CTTNBP2: variants seen among roughly 807,000 people sequenced by gnomAD.
The protein encoded by CTTNBP2 is cortactin-binding protein 2.
A neutral mutation model predicts 156.9 loss-of-function variants in CTTNBP2; 108 were observed. The ratio of observed to expected loss-of-function variants is 0.69; its 90% confidence interval spans 0.59 to 0.81. The LOEUF is 0.81. Ranked by LOEUF, CTTNBP2 falls within the 30% of genes least tolerant of loss-of-function variation. CTTNBP2 has a pLI of 0.00. For missense variants in CTTNBP2, 1,924 were observed against 2,035.4 expected (o/e 0.95, Z 1.05); for synonymous variants, 767 against 751.8 (o/e 1.02, Z -0.33).
In CTTNBP2 at chr7:117,728,743, A is replaced by T. The variant is rs191070843; in HGVS notation, c.3877-476T>A. On this transcript the variant is annotated intron_variant, in intron 16 of 22. Coordinates refer to ENST00000160373, the MANE Select transcript of CTTNBP2 (RefSeq NM_033427.3). ...CTTTACATACTTATTTTTATTTAAG[A>T]TCTACTCTCAGCAATCTGCAAGTAT... 5.9e-5 allele frequency among the ~76,000 whole-genome samples: 9 copies of T among 152,346 alleles called. No individual in the cohort carries two copies. In the East Asian group the frequency reaches 1.2e-3, roughly 20 times the overall value.
chr7:117,871,793 C>CCA lies in CTTNBP2; in HGVS notation c.81+1540_81+1541dup, dbSNP rs10545703. On this transcript the variant is annotated intron_variant, in intron 1 of 22. Coordinates refer to ENST00000160373, the MANE Select transcript of CTTNBP2 (RefSeq NM_033427.3). ...ACCTTTCTGGGGAACAAGAAACACA[C>CCA]CACACACACACACACACACACACAC... The CCA allele has an allele frequency of 6.6e-3, 1,406 of 213,298 alleles. 11 individuals carry two copies. Among genetic ancestry groups the CCA allele is most frequent in the African/African-American group, 0.015 (548 of 37,438 alleles). The allele number at this position is 213,298 out of a possible 1,614,324, so 13.2% of individuals were successfully genotyped here.
chr7:117,713,845 G>A (rs924515873), intron 22 of CTTNBP2: 3 of 152,186 alleles, frequency 2.0e-5, no homozygotes, highest in Non-Finnish European at 4.4e-5. Context: ...CTTGGCTAGT[G>A]GTTTGGGAAA....
intron 9 of CTTNBP2, among the ~76,000 whole-genome samples, chr7:117,762,469 A>G (rs1797264214): frequency 6.6e-6 from 1 of 152,142 alleles, no homozygotes; most frequent in Admixed American, 6.5e-5. Flanking sequence ...CACACTTCAC[A>G]TTCAATCCAT....
chr7:117,855,613 C>A (rs6976111), intron 2 of CTTNBP2, among the ~76,000 whole-genome samples: 34,215 of 152,088 alleles, frequency 0.22, 4,925 homozygotes, highest in South Asian at 0.34. Flanking sequence ...CAGCTCCCCC[C>A]AAACAGCAAA....
chr7:117,793,209 G>T (rs1404028220), intron 3 of CTTNBP2, among the ~76,000 whole-genome samples: 1 of 152,072 alleles, frequency 6.6e-6, no homozygotes, highest in Non-Finnish European at 1.5e-5. Flanking sequence ...ACTGAAAACC[G>T]AGGACTTCAG....
At chr7:117,836,863 G>A (rs546033477) in intron 2 of CTTNBP2, among the ~76,000 whole-genome samples, 3 of 152,262 alleles carry the variant, frequency 2.0e-5, no homozygotes, top group Non-Finnish European at 2.9e-5. Context: ...ATCACTACCA[G>A]GAGAACAGTA....
chr7:117,814,429 CTATT>C (rs1013404846), intron 2 of CTTNBP2, among the ~76,000 whole-genome samples: 3 of 151,878 alleles, frequency 2.0e-5, no homozygotes, highest in South Asian at 2.1e-4. Context: ...ATAAAACTGC[CTATT>C]TATTTATTTT....
rs551648781 is a variant in CTTNBP2, at chr7:117,746,506, C to T, written c.3349-407G>A. On this transcript the variant is annotated intron_variant, in intron 12 of 22. Transcript: ENST00000160373. ...TCGTGGTTAAAACAGTAATGCATTT[C>T]ATTATGGAAATTTTGGTATATATAA... 9.2e-5 allele frequency among the ~76,000 whole-genome samples: 14 copies of T among 152,256 alleles called. 1 individual carries two copies. In the South Asian group the frequency reaches 2.3e-3, roughly 25 times the overall value.
At chr7:117,821,373 T>C (rs940264634) in intron 2 of CTTNBP2, among the ~76,000 whole-genome samples, 1 of 152,034 alleles carries the variant, frequency 6.6e-6, no homozygotes, top group Non-Finnish European at 1.5e-5. Context: ...TGTTTTTTGT[T>C]TTTTAATAGC....
chr7:117,846,369 AT>A (rs1453245372), intron 2 of CTTNBP2, among the ~76,000 whole-genome samples: 1 of 152,222 alleles, frequency 6.6e-6, no homozygotes, highest in Non-Finnish European at 1.5e-5. Context: ...GTTTATAATT[AT>A]GTTATGGTGG....
At chr7:117,871,208 G>C (rs1294296786) in intron 1 of CTTNBP2, among the ~76,000 whole-genome samples, 1 of 152,182 alleles carries the variant, frequency 6.6e-6, no homozygotes, top group Admixed American at 6.5e-5. Flanking sequence ...GAGCAATTGT[G>C]ATGACACATA....
chr7:117,769,303 C>G (rs930335251), intron 8 of CTTNBP2, among the ~76,000 whole-genome samples: 2 of 152,190 alleles, frequency 1.3e-5, no homozygotes, highest in Non-Finnish European at 2.9e-5. Context: ...GAAACTTTAA[C>G]AGGAAGCCAG....
chr7:117,738,147 C>T (rs941360256), intron 14 of CTTNBP2, among the ~76,000 whole-genome samples: 1 of 152,150 alleles, frequency 6.6e-6, no homozygotes, highest in Non-Finnish European at 1.5e-5. Flanking sequence ...GGACCCATCC[C>T]CAGTGATTCT....
chr7:117,764,777 C>T (rs183831706), intron 9 of CTTNBP2, among the ~76,000 whole-genome samples: 8 of 152,286 alleles, frequency 5.3e-5, no homozygotes, highest in Admixed American at 2.0e-4. Context: ...TCTAGTATTA[C>T]ACACAATGCT....
chr7:117,821,694 T>C (rs557653129), intron 2 of CTTNBP2, among the ~76,000 whole-genome samples: 1 of 151,590 alleles, frequency 6.6e-6, no homozygotes, highest in Admixed American at 6.6e-5. Flanking sequence ...GTTCAAGCCA[T>C]TCTCCTGACT....
rs541481020 is a variant in CTTNBP2, at chr7:117,804,528, C to T, written c.414+6237G>A. Among the ~76,000 whole-genome samples the T allele has an allele frequency of 2.6e-5, 4 of 152,244 alleles. No homozygotes were observed. In the East Asian group the frequency reaches 7.7e-4, roughly 29 times the overall value. On this transcript the variant is annotated intron_variant, in intron 3 of 22. Coordinates refer to ENST00000160373, the MANE Select transcript of CTTNBP2 (RefSeq NM_033427.3). Reference sequence around the variant, plus strand: ...AAGACACAGAATCAACCCGAATGCCCATCAGTGACAGACTGGATAAAGAAA... The same window carrying T: ...AAGACACAGAATCAACCCGAATGCCTATCAGTGACAGACTGGATAAAGAAA...
At chr7:117,767,997 C>T (rs1329681968) in intron 8 of CTTNBP2, among the ~76,000 whole-genome samples, 1 of 151,832 alleles carries the variant, frequency 6.6e-6, no homozygotes, top group Non-Finnish European at 1.5e-5. Context: ...GGCTAATTTC[C>T]CACAAGGCTA....
At chr7:117,735,233 G>A (rs759914109) in intron 15 of CTTNBP2, 36 bp downstream of exon 15, 1 of 1,603,024 alleles carries the variant, frequency 6.2e-7, no homozygotes, top group African/African-American at 1.4e-5. Context: ...TATTACAGAA[G>A]CTTGCTTCTC....
chr7:117,806,420 T>C (rs1318121772), intron 3 of CTTNBP2, among the ~76,000 whole-genome samples: 1 of 152,198 alleles, frequency 6.6e-6, no homozygotes, highest in Non-Finnish European at 1.5e-5. Flanking sequence ...CACCACAAAA[T>C]ACTCTTACGA....
Sources: gnomAD v4.1 joint callset for allele counts (sites outside exome capture counted in the v4.1 genomes callset) on GRCh38, gnomAD v4.1.1 for gene constraint, MANE v1.5 for transcripts, NCBI Gene and HGNC (gene_info 2026-07-23, HGNC 2026-07-21) for gene names.